The following NTNG1 variants were observed in gnomAD, a reference collection of about 807,000 sequenced individuals.
NTNG1 encodes netrin-G1.
NTNG1 carries 16 observed loss-of-function variants against 54.0 expected under a neutral mutation model. The observed-to-expected ratio is 0.30, with a 90% CI of 0.20 to 0.45. NTNG1 has a LOEUF of 0.45. NTNG1 is among the 20% of genes least tolerant of loss of function. The pLI is 1.00. For synonymous variants in NTNG1, 255 were observed against 263.1 expected (o/e 0.97, Z 0.30); for missense variants, 530 against 678.7 (o/e 0.78, Z 2.43).
chr1:107,249,050 T>C (rs1048628733), intron 2 of NTNG1, among the ~76,000 whole-genome samples: 2 of 150,856 alleles, frequency 1.3e-5, no homozygotes, highest in African/African-American at 4.9e-5. Context: ...TCTCAGCTTC[T>C]TGGGAGGCTG....
At chr1:107,421,234 C>A in intron 5 of NTNG1, 1 of 881,942 alleles carries the variant, frequency 1.1e-6, no homozygotes. Flanking sequence ...GTGAAGTGTA[C>A]CCATCAGCTT....
chr1:107,480,569 T>TGCCC, intron 7 of NTNG1, 42 bp from the exon 8 acceptor site: 74 of 609,544 alleles, frequency 1.2e-4, no homozygotes, highest in East Asian at 3.1e-4. Flanking sequence ...CTGCTTCTCC[T>TGCCC]CCCCGCGCCC....
intron 5 of NTNG1, among the ~76,000 whole-genome samples, chr1:107,412,699 G>A (rs577255287): frequency 6.6e-6 from 1 of 152,188 alleles, no homozygotes; most frequent in Admixed American, 6.5e-5. Context: ...TTACAAGCAT[G>A]GTGTCTGAGG....
chr1:107,471,107 C>T (rs1677947075), intron 7 of NTNG1, among the ~76,000 whole-genome samples: 1 of 152,130 alleles, frequency 6.6e-6, no homozygotes, highest in Admixed American at 6.5e-5. Context: ...GAAAGTGTCA[C>T]TCTCATAACA....
At position 107,429,139 on chromosome 1, in the gene NTNG1, C is replaced by A. The variant is rs566414314; in HGVS notation, c.1088-1611C>A. ...GAAGTGGTTTGGCTTCAGCATCCCC[C>A]CTTTCTTCTTGCCTCTCTTTTAGCA... On this transcript the variant is annotated intron_variant, in intron 5 of 7. Transcript: ENST00000370068. 7.9e-5 allele frequency among the ~76,000 whole-genome samples: 12 copies of A among 152,116 alleles called. No individual in the cohort carries two copies. The South Asian group carries it at 2.3e-3, about 29-fold the overall frequency.
rs1475481594 is a variant in NTNG1, at chr1:107,407,715, A to T, written c.1087+7A>T. 3 of 1,606,072 alleles carry T rather than the reference A, an allele frequency of 1.9e-6. No individual in the cohort carries two copies. In the South Asian group the frequency reaches 3.3e-5, roughly 18 times the overall value. ...AGTATTTCCAGTATTGGTAGTAAGT[A>T]AAAACAAAAACAAAAAAAACACCAA... On this transcript the variant is annotated splice_region_variant and intron_variant, in intron 5 of 7. Coordinates refer to ENST00000370068, the MANE Select transcript of NTNG1 (RefSeq NM_001113226.3).
At chr1:107,302,277 T>A (rs1280115092) in intron 2 of NTNG1, among the ~76,000 whole-genome samples, 1 of 152,058 alleles carries the variant, frequency 6.6e-6, no homozygotes, top group Non-Finnish European at 1.5e-5. Flanking sequence ...TTAAGATAGG[T>A]CTGCCCCATA....
chr1:107,448,468 A>G (rs1558007560), intron 7 of NTNG1, among the ~76,000 whole-genome samples: 2 of 152,090 alleles, frequency 1.3e-5, no homozygotes, highest in Non-Finnish European at 2.9e-5. Context: ...GGGTATGATC[A>G]GCATCACTTG....
intron 7 of NTNG1, among the ~76,000 whole-genome samples, chr1:107,478,681 T>C (rs1678495037): frequency 6.6e-6 from 1 of 152,254 alleles, no homozygotes; most frequent in South Asian, 2.1e-4. Context: ...TTCAGCATTC[T>C]GCTGCCTGGA....
intron 1 of NTNG1, 60 bp from the exon 2 acceptor site, chr1:107,148,009 G>T (rs1170913545): frequency 6.5e-6 from 1 of 152,728 alleles, no homozygotes; most frequent in East Asian, 1.9e-4. Flanking sequence ...TCAACATATT[G>T]TACATTTCGT....
chr1:107,327,566 C>A (rs189013577), intron 3 of NTNG1, among the ~76,000 whole-genome samples: 12 of 152,218 alleles, frequency 7.9e-5, no homozygotes, highest in Non-Finnish European at 1.2e-4. Context: ...CATAAATGTA[C>A]ACTTTTCAAA....
At chr1:107,404,088 TA>T (rs1455799101) in intron 4 of NTNG1, among the ~76,000 whole-genome samples, 1 of 149,282 alleles carries the variant, frequency 6.7e-6, no homozygotes, top group Non-Finnish European at 1.5e-5. Flanking sequence ...AATTTATATA[TA>T]TATATATATA....
intron 7 of NTNG1, among the ~76,000 whole-genome samples, chr1:107,473,086 C>T (rs758684380): frequency 9.2e-5 from 14 of 152,158 alleles, no homozygotes; most frequent in Non-Finnish European, 1.9e-4. Flanking sequence ...ACATCTTTCT[C>T]TCAGCAATCC....
intron 3 of NTNG1, among the ~76,000 whole-genome samples, chr1:107,379,190 C>T (rs868088722): frequency 2.0e-5 from 3 of 152,150 alleles, no homozygotes; most frequent in Non-Finnish European, 2.9e-5. Flanking sequence ...GCTCTTCAGG[C>T]GGGTCCTCAA....
chr1:107,339,099 T>C (rs959002299), intron 3 of NTNG1, among the ~76,000 whole-genome samples: 1 of 152,006 alleles, frequency 6.6e-6, no homozygotes, highest in African/African-American at 2.4e-5. Context: ...CCATTATTAT[T>C]GCCCACCTGG....
At chr1:107,160,669 G>A (rs1323573595) in intron 2 of NTNG1, among the ~76,000 whole-genome samples, 1 of 152,040 alleles carries the variant, frequency 6.6e-6, no homozygotes, top group Non-Finnish European at 1.5e-5. Context: ...ACTACTGCCT[G>A]GAACTTCCTA....
chr1:107,238,987 G>C (rs533164528), intron 2 of NTNG1, among the ~76,000 whole-genome samples: 9 of 152,232 alleles, frequency 5.9e-5, no homozygotes, highest in African/African-American at 2.2e-4. Flanking sequence ...TTATCACCCA[G>C]TTCATTGATT....
At chr1:107,407,863 G>A (rs980389734) in intron 5 of NTNG1, 155 bp downstream of exon 5, 2 of 765,736 alleles carry the variant, frequency 2.6e-6, no homozygotes, top group African/African-American at 1.7e-5. Context: ...TTTCTGCACA[G>A]ATCTGGTGAG....
intron 2 of NTNG1, among the ~76,000 whole-genome samples, chr1:107,255,960 G>T (rs1289864061): frequency 6.6e-6 from 1 of 152,126 alleles, no homozygotes; most frequent in Non-Finnish European, 1.5e-5. Flanking sequence ...GAAAATATGT[G>T]TTTGGAACCT....
Sources: gnomAD v4.1 joint callset for allele counts (sites outside exome capture counted in the v4.1 genomes callset) on GRCh38, gnomAD v4.1.1 for gene constraint, MANE v1.5 for transcripts, NCBI Gene and HGNC (gene_info 2026-07-23, HGNC 2026-07-21) for gene names.